The following MAP2 variants were observed in gnomAD, a reference collection of about 807,000 sequenced individuals.
MAP2 encodes microtubule-associated protein 2.
In MAP2, 14 loss-of-function variants were observed where a neutral mutation model predicts 137.6. The observed-to-expected ratio is 0.10, with a 90% CI of 0.07 to 0.16. MAP2 has a LOEUF of 0.16. Ranked by LOEUF, MAP2 falls within the 10% of genes least tolerant of loss-of-function variation. MAP2 has a pLI of 1.00. For synonymous variants in MAP2, 786 were observed against 782.3 expected (o/e 1.00, Z -0.08); for missense variants, 2,088 against 2,191.5 (o/e 0.95, Z 0.94).
chr2:209,725,244 A>G (rs1290611386), intron 13 of MAP2, among the ~76,000 whole-genome samples: 1 of 152,240 alleles, frequency 6.6e-6, no homozygotes, highest in African/African-American at 2.4e-5. Flanking sequence ...TGTAATAACA[A>G]TTTAGGAAAG....
intron 2 of MAP2, among the ~76,000 whole-genome samples, chr2:209,570,237 G>T (rs113080619): frequency 6.6e-6 from 1 of 151,704 alleles, no homozygotes; most frequent in Non-Finnish European, 1.5e-5. Context: ...TTCCCTTTCT[G>T]CTATCTTGTA....
chr2:209,503,930 A>C (rs2060707116), intron 1 of MAP2, among the ~76,000 whole-genome samples: 1 of 152,110 alleles, frequency 6.6e-6, no homozygotes, highest in Admixed American at 6.5e-5. Flanking sequence ...CCCCATCTCT[A>C]CTAAAAAATG....
At chr2:209,479,441 A>C (rs1559214842) in intron 1 of MAP2, among the ~76,000 whole-genome samples, 4 of 152,120 alleles carry the variant, frequency 2.6e-5, no homozygotes, top group Non-Finnish European at 4.4e-5. Context: ...ATAGATAGGA[A>C]CTATGATAAT....
intron 10 of MAP2, among the ~76,000 whole-genome samples, chr2:209,698,604 C>T (rs2060906729): frequency 6.6e-6 from 1 of 152,108 alleles, no homozygotes; most frequent in Admixed American, 6.6e-5. Context: ...ATATCATGTG[C>T]TTTCCTTCAA....
chr2:209,709,745 C>G (rs754115827), intron 12 of MAP2, among the ~76,000 whole-genome samples, 169 bp from the exon 13 acceptor site: 1 of 152,028 alleles, frequency 6.6e-6, no homozygotes, highest in Non-Finnish European at 1.5e-5. Flanking sequence ...GGGTTATGCA[C>G]CTGATTTCAG....
chr2:209,537,681 CAA>C (rs2066197854), intron 2 of MAP2, among the ~76,000 whole-genome samples: 1 of 152,118 alleles, frequency 6.6e-6, no homozygotes, highest in Admixed American at 6.5e-5. Context: ...GGTTTGTAAT[CAA>C]GTCAAGTCAT....
Position 209,695,239 on chromosome 2 carries a change from A to G in MAP2, c.3069A>G (p.Pro1023=). The G allele has an allele frequency of 1.2e-6, 2 of 1,614,068 alleles. No individual in the cohort carries two copies. Among genetic ancestry groups the G allele is most frequent in the Admixed American group, 1.7e-5 (1 of 60,008 alleles). ...CAGAGAAGGGTCTTAGTTCAGTGCC[A>G]GAGATAGCTGAGGTAGAACCATCCA... The part of the protein sequence containing the change: ...EKAEKGLSSV[P]EIAEVEPSKK... Residue 1023 remains proline, a synonymous_variant, in exon 8 of 16, where the codon CCA becomes CCG. Coordinates refer to ENST00000682079, the MANE Select transcript of MAP2 (RefSeq NM_001375505.1).
chr2:209,523,832 A>C (rs190194093), intron 2 of MAP2, among the ~76,000 whole-genome samples: 1 of 152,308 alleles, frequency 6.6e-6, no homozygotes, highest in Admixed American at 6.5e-5. Context: ...ATTTAAACAT[A>C]ACTTTTATAA....
chr2:209,611,463 T>C (rs1048730165), intron 3 of MAP2, among the ~76,000 whole-genome samples: 4 of 151,688 alleles, frequency 2.6e-5, no homozygotes, highest in Non-Finnish European at 5.9e-5. Flanking sequence ...TAATGCACAC[T>C]GAAAAAATAT....
chr2:209,518,548 G>C (rs964932022), intron 2 of MAP2, among the ~76,000 whole-genome samples: 2 of 151,972 alleles, frequency 1.3e-5, no homozygotes, highest in African/African-American at 4.8e-5. Context: ...TTTTACTTTG[G>C]ATCTGTATTC....
chr2:209,472,978 A>G (rs1706166460), intron 1 of MAP2, among the ~76,000 whole-genome samples: 2 of 152,152 alleles, frequency 1.3e-5, no homozygotes, highest in African/African-American at 4.8e-5. Flanking sequence ...TTGGTTTTAC[A>G]TTCTTCTGAT....
chr2:209,667,963 A>G (rs2047078645), intron 5 of MAP2, among the ~76,000 whole-genome samples: 1 of 151,958 alleles, frequency 6.6e-6, no homozygotes, highest in African/African-American at 2.4e-5. Context: ...TCCCATTACA[A>G]AGCTTAATCT....
chr2:209,685,002 G>A (rs933100110), intron 7 of MAP2, among the ~76,000 whole-genome samples: 1 of 150,492 alleles, frequency 6.6e-6, no homozygotes, highest in Non-Finnish European at 1.5e-5. Context: ...GTCAGACATT[G>A]TGCTTGGCAT....
chr2:209,633,284 T>C (rs1415215313), intron 4 of MAP2, among the ~76,000 whole-genome samples: 1 of 152,174 alleles, frequency 6.6e-6, no homozygotes, highest in Non-Finnish European at 1.5e-5. Context: ...TGAAGCTTTT[T>C]CTCCAGTCCT....
chr2:209,660,462 C>G (rs1160027014), intron 5 of MAP2, among the ~76,000 whole-genome samples: 1 of 137,472 alleles, frequency 7.3e-6, no homozygotes, highest in Non-Finnish European at 1.5e-5. Flanking sequence ...GGCGCGATCT[C>G]GGCACACTGC....
intron 2 of MAP2, among the ~76,000 whole-genome samples, chr2:209,562,638 A>G (rs2072418408): frequency 6.6e-6 from 1 of 151,964 alleles, no homozygotes; most frequent in African/African-American, 2.4e-5. Context: ...CGGAGGTTGC[A>G]GTGAGCCAAG....
intron 2 of MAP2, among the ~76,000 whole-genome samples, chr2:209,540,660 AAAG>A (rs1382227656): frequency 7.0e-5 from 9 of 129,200 alleles, no homozygotes; most frequent in African/African-American, 1.1e-4. Context: ...AAAAAAAAAA[AAAG>A]AAGAAAAGAA....
intron 13 of MAP2, among the ~76,000 whole-genome samples, chr2:209,724,004 T>G (rs1345855064): frequency 6.6e-6 from 1 of 152,220 alleles, no homozygotes; most frequent in Non-Finnish European, 1.5e-5. Context: ...CTTCAATGTA[T>G]TTTCTCACGT....
intron 1 of MAP2, among the ~76,000 whole-genome samples, chr2:209,500,606 A>C (rs190469954): frequency 5.3e-5 from 8 of 151,794 alleles, no homozygotes; most frequent in Admixed American, 2.0e-4. Flanking sequence ...TTTTTTTTCC[A>C]TCGTGGCTTT....
Sources: allele counts gnomAD v4.1 joint callset (sites outside exome capture counted in the v4.1 genomes callset), GRCh38; gene constraint gnomAD v4.1.1; transcripts MANE v1.5; gene names NCBI Gene and HGNC (gene_info 2026-07-23, HGNC 2026-07-21).